The following SGCZ variants were observed in gnomAD, a reference collection of about 807,000 sequenced individuals.
SGCZ encodes zeta-sarcoglycan.
In SGCZ, 40 loss-of-function variants were observed where a neutral mutation model predicts 41.3. The ratio of observed to expected loss-of-function variants is 0.97; its 90% CI spans 0.75 to 1.26. The LOEUF is 1.26. SGCZ is among the 50% of genes most tolerant of loss of function. The pLI, the probability that SGCZ is intolerant of heterozygous loss-of-function variation, is 0.00. For synonymous variants in SGCZ, 206 were observed against 137.5 expected (o/e 1.50, Z -3.49); for missense variants, 552 against 369.8 (o/e 1.49, Z -4.04).
chr8:14,827,859 CACAG>C (rs1470346141), intron 1 of SGCZ, among the ~76,000 whole-genome samples: 2 of 152,150 alleles, frequency 1.3e-5, no homozygotes, highest in Non-Finnish European at 2.9e-5. Context: ...CACACACACA[CACAG>C]ACACACATAT....
At chr8:14,487,236 T>C (rs2117018670) in intron 2 of SGCZ, among the ~76,000 whole-genome samples, 1 of 152,312 alleles carries the variant, frequency 6.6e-6, no homozygotes, top group East Asian at 1.9e-4. Context: ...TTTCCTAATG[T>C]AATTGTAAAC....
intron 5 of SGCZ, among the ~76,000 whole-genome samples, chr8:14,127,148 G>A (rs1009713807): frequency 2.0e-5 from 3 of 151,950 alleles, no homozygotes; most frequent in South Asian, 2.1e-4. Flanking sequence ...TGTATCCTGG[G>A]ACTTAAAGTA....
chr8:14,138,878 C>T (rs73522472), intron 5 of SGCZ, among the ~76,000 whole-genome samples: 25,786 of 152,086 alleles, frequency 0.17, 2,959 homozygotes, highest in East Asian at 0.6. Context: ...CCCAAATCAA[C>T]AGAATAAACA....
intron 2 of SGCZ, among the ~76,000 whole-genome samples, chr8:14,360,421 G>A (rs908818896): frequency 3.3e-5 from 5 of 151,720 alleles, no homozygotes; most frequent in African/African-American, 4.8e-5. Flanking sequence ...CGCCTCCTAG[G>A]TTCAACTGAT....
intron 1 of SGCZ, among the ~76,000 whole-genome samples, chr8:14,793,829 A>G (rs545970638): frequency 6.6e-6 from 1 of 152,160 alleles, no homozygotes; most frequent in Non-Finnish European, 1.5e-5. Context: ...TATTTGAAAG[A>G]AGCTGAAATA....
At chr8:14,953,767 A>C (rs60906550) in intron 1 of SGCZ, among the ~76,000 whole-genome samples, 32,245 of 152,176 alleles carry the variant, frequency 0.21, 4,212 homozygotes, top group East Asian at 0.31. Context: ...GAATTAATTC[A>C]GGATAAGTGT....
chr8:15,031,064 C>T (rs1251716830), intron 1 of SGCZ, among the ~76,000 whole-genome samples: 1 of 151,786 alleles, frequency 6.6e-6, no homozygotes, highest in Non-Finnish European at 1.5e-5. Flanking sequence ...AATCATATTT[C>T]GCGTGTGTGT....
At chr8:14,775,801 G>C (rs1341485743) in intron 1 of SGCZ, among the ~76,000 whole-genome samples, 2 of 152,120 alleles carry the variant, frequency 1.3e-5, no homozygotes, top group African/African-American at 4.8e-5. Context: ...AGTTTTATTT[G>C]GATTGATATG....
chr8:14,158,859 C>G (rs1392298454), intron 5 of SGCZ, among the ~76,000 whole-genome samples: 1 of 152,164 alleles, frequency 6.6e-6, no homozygotes. Context: ...ACCTCTGCCT[C>G]CTGGGTTCAA....
chr8:14,420,124 A>C (rs1799600157), intron 2 of SGCZ, among the ~76,000 whole-genome samples: 1 of 152,030 alleles, frequency 6.6e-6, no homozygotes, highest in Non-Finnish European at 1.5e-5. Flanking sequence ...GTTAAACTGC[A>C]TTGAAGGGCT....
At chr8:14,547,335 G>C (rs186114012) in intron 2 of SGCZ, among the ~76,000 whole-genome samples, 2 of 152,240 alleles carry the variant, frequency 1.3e-5, no homozygotes, top group Non-Finnish European at 2.9e-5. Flanking sequence ...GTGCTGACAG[G>C]TGACACAGGT....
chr8:14,667,982 A>T (rs1807970256), intron 1 of SGCZ, among the ~76,000 whole-genome samples: 5 of 152,114 alleles, frequency 3.3e-5, no homozygotes, highest in Admixed American at 3.3e-4. Flanking sequence ...TTTGAGATGG[A>T]GTCTCACTCT....
At chr8:14,243,338 G>T (rs906991936) in intron 3 of SGCZ, among the ~76,000 whole-genome samples, 2 of 152,144 alleles carry the variant, frequency 1.3e-5, no homozygotes, top group African/African-American at 4.8e-5. Context: ...TCAGTCAGCT[G>T]CGTCAGAAAT....
chr8:14,160,242 G>C (rs912405563), intron 5 of SGCZ, among the ~76,000 whole-genome samples: 2 of 152,198 alleles, frequency 1.3e-5, no homozygotes, highest in African/African-American at 2.4e-5. Context: ...CTACGGGGCT[G>C]ATGTCTTTCA....
At chr8:15,173,988 C>A (rs961140315) in intron 1 of SGCZ, among the ~76,000 whole-genome samples, 1 of 152,178 alleles carries the variant, frequency 6.6e-6, no homozygotes, top group Non-Finnish European at 1.5e-5. Flanking sequence ...TCCCAACGTA[C>A]TGGGATTACA....
At chr8:14,929,083 C>A (rs1239689994) in intron 1 of SGCZ, among the ~76,000 whole-genome samples, 2 of 152,230 alleles carry the variant, frequency 1.3e-5, no homozygotes, top group African/African-American at 4.8e-5. Flanking sequence ...CCTCCACCTC[C>A]CGGGTTCAAG....
intron 1 of SGCZ, among the ~76,000 whole-genome samples, chr8:14,659,203 T>G (rs1807670246): frequency 6.6e-6 from 1 of 152,148 alleles, no homozygotes; most frequent in African/African-American, 2.4e-5. Context: ...CTATAGCTAG[T>G]AACAACGTAG....
chr8:14,177,678 T>A (rs1303979482), intron 4 of SGCZ, among the ~76,000 whole-genome samples: 1 of 83,784 alleles, frequency 1.2e-5, no homozygotes, highest in Non-Finnish European at 2.1e-5. Flanking sequence ...CCCTGCTATT[T>A]TTTTTTTTTT....
At chr8:14,419,763 C>G (rs916293827) in intron 2 of SGCZ, among the ~76,000 whole-genome samples, 3 of 151,914 alleles carry the variant, frequency 2.0e-5, no homozygotes, top group African/African-American at 7.2e-5. Flanking sequence ...ATTTCCATGT[C>G]TGTTAAACTT....
Sources: allele counts gnomAD v4.1 joint callset (sites outside exome capture counted in the v4.1 genomes callset), GRCh38; gene constraint gnomAD v4.1.1; transcripts MANE v1.5; gene names NCBI Gene and HGNC (gene_info 2026-07-23, HGNC 2026-07-21).